Variants in COL4A3 observed in about 807,000 individuals in gnomAD.
COL4A3 encodes collagen alpha-3(IV) chain.
COL4A3 carries 135 observed loss-of-function variants against 217.4 expected under a neutral mutation model. The ratio of observed to expected loss-of-function variants is 0.62; its 90% CI spans 0.54 to 0.72. The LOEUF is 0.72. Ranked by LOEUF, COL4A3 falls within the 30% of genes least tolerant of loss-of-function variation. The pLI is 0.00. For synonymous variants in COL4A3, 690 were observed against 736.3 expected, an observed-to-expected ratio of 0.94 and a Z score of 1.02; for missense variants, 1,868 against 2,119.9, an observed-to-expected ratio of 0.88 and a Z score of 2.33.
chr2:227,286,823 C>T (rs2072357863), intron 34 of COL4A3, among the ~76,000 whole-genome samples: 1 of 152,220 alleles, frequency 6.6e-6, no homozygotes, highest in Non-Finnish European at 1.5e-5. Flanking sequence ...ACTTCTTGGA[C>T]TGACATACAA....
At chr2:227,288,477 T>G (rs2072478066) in intron 34 of COL4A3, among the ~76,000 whole-genome samples, 1 of 152,224 alleles carries the variant, frequency 6.6e-6, no homozygotes, top group Non-Finnish European at 1.5e-5. Context: ...GGGACGTTTA[T>G]GAGCTTTCCA....
chr2:227,225,152 C>G (rs2068019448), intron 1 of COL4A3, among the ~76,000 whole-genome samples: 1 of 152,216 alleles, frequency 6.6e-6, no homozygotes, highest in Admixed American at 6.5e-5. Flanking sequence ...GTAATCCTCC[C>G]ACCTTGGCCT....
At chr2:227,208,026 AC>A (rs1274081870) in intron 1 of COL4A3, among the ~76,000 whole-genome samples, 1 of 86,938 alleles carries the variant, frequency 1.2e-5, no homozygotes, top group Non-Finnish European at 2.3e-5. Context: ...CCGCCCCCCC[AC>A]ACACACGAAA....
intron 1 of COL4A3, among the ~76,000 whole-genome samples, chr2:227,208,098 A>G (rs2067170158): frequency 6.6e-6 from 1 of 151,156 alleles, no homozygotes; most frequent in African/African-American, 2.4e-5. Context: ...AACTTAACCA[A>G]CTCTATTTTG....
Position 227,289,229 on chromosome 2 carries a change from C to G in COL4A3, c.2961C>G (p.Pro987=), listed in dbSNP as rs375523118. 2.5e-6 allele frequency: 4 copies of G among 1,613,404 alleles called. No homozygotes were observed. Among genetic ancestry groups the G allele is most frequent in the Admixed American group, 3.3e-5 (2 of 59,938 alleles). The stretch of plus-strand genomic sequence containing the variant: ...GTTTAAAGGGCCTCAAAGGACTACC[C>G]GGACCAGCAGGACCACCAGGTACAG... ...MPGLKGLKGL[P]GPAGPPGPRG... Residue 987 remains proline (P), a synonymous_variant, in exon 35 of 52, where the codon CCC becomes CCG. Coordinates refer to ENST00000396578, the MANE Select transcript of COL4A3 (RefSeq NM_000091.5).
chr2:227,211,120 C>T (rs2067303969), intron 1 of COL4A3, among the ~76,000 whole-genome samples: 1 of 152,092 alleles, frequency 6.6e-6, no homozygotes, highest in African/African-American at 2.4e-5. Context: ...CCTGCCTCAG[C>T]CTCCTGAGTA....
chr2:227,191,573 T>C lies in COL4A3; in HGVS notation c.87+26760T>C, dbSNP rs767178070. Among the ~76,000 whole-genome samples the C allele has an allele frequency of 1.8e-4, 27 of 152,098 alleles. No individual in the cohort carries two copies. The highest frequency in any genetic ancestry group is 3.7e-4 in the Non-Finnish European group (25 of 68,018). On this transcript the variant is annotated intron_variant, in intron 1 of 51. Coordinates refer to ENST00000396578, the MANE Select transcript of COL4A3 (RefSeq NM_000091.5). This position sits in a 1 kb window ranked among gnomAD's most constrained non-coding sequence, Gnocchi z 6.8. ...CCTGCCAAGGGGCTGCAATGGGAGA[T>C]TACAGTGACTCAGCAAATCAGGATG...
intron 1 of COL4A3, among the ~76,000 whole-genome samples, chr2:227,234,102 G>A (rs1172894018): frequency 6.6e-6 from 1 of 152,162 alleles, no homozygotes; most frequent in African/African-American, 2.4e-5. Flanking sequence ...GCATACAGAA[G>A]TATCTGGGGT....
In COL4A3 at chr2:227,290,773, G is replaced by T. The variant is rs2072646065; in HGVS notation, c.3097G>T (p.Gly1033Ter). Residue 1033 changes from glycine (G) to a stop codon, truncating the protein, a stop_gained, in exon 37 of 52, where the codon GGA (glycine) becomes TGA (stop). Transcript: ENST00000396578. LOFTEE classifies it high-confidence loss of function. ...PGSKGKRGTLGFPGRAGRPGL... is the reference protein window; with the variant it reads ...PGSKGKRGTL Reference sequence around the variant, plus strand: ...TTCTAAAGGAAAAAGGGGAACTTTGGGATTCCCAGGTCGAGCAGGAAGACC... The same window carrying T: ...TTCTAAAGGAAAAAGGGGAACTTTGTGATTCCCAGGTCGAGCAGGAAGACC... 1 of 1,613,290 alleles carries T rather than the reference G, an allele frequency of 6.2e-7. No individual in the cohort carries two copies. The highest frequency in any genetic ancestry group is 8.5e-7 in the Non-Finnish European group (1 of 1,179,890).
rs1295107157 is a variant in COL4A3 at position 227,240,424 on chromosome 2, C to T, written c.234+192C>T. On this transcript the variant is annotated intron_variant, in intron 3 of 51. Coordinates refer to ENST00000396578, the MANE Select transcript of COL4A3 (RefSeq NM_000091.5). ...CTCCAAGACTATTGCAAATGATCATCATTAGCTTCAAGTCTGTGGCTCCAG... is the reference window on the plus strand; with the variant it reads ...CTCCAAGACTATTGCAAATGATCATTATTAGCTTCAAGTCTGTGGCTCCAG... Among the ~76,000 whole-genome samples, 4 of 152,296 alleles carry T rather than the reference C, an allele frequency of 2.6e-5. No homozygotes were observed. The East Asian group carries it at 5.8e-4, about 22-fold the overall frequency.
At position 227,311,978 on chromosome 2, in the gene COL4A3, G is replaced by C. The variant is rs200803393; in HGVS notation, c.*108G>C. 6.5e-6 allele frequency: 10 copies of C among 1,532,792 alleles called. No homozygotes were observed. The Admixed American group carries it at 1.6e-4, about 24-fold the overall frequency. 94.9% of individuals were successfully genotyped at this position (1,532,792 alleles called of 1,614,324 possible). On this transcript the variant is annotated 3_prime_UTR_variant, in exon 52 of 52. Transcript: ENST00000396578. ...CTTTAACCAAACAATATTGCTCCAT[G>C]ATGACTTAGTACAAAGTTTCAATTT... is the stretch of plus-strand genomic sequence containing the variant.
chr2:227,172,345 C>CT (rs1219834349), intron 1 of COL4A3, among the ~76,000 whole-genome samples: 1 of 152,158 alleles, frequency 6.6e-6, no homozygotes, highest in Non-Finnish European at 1.5e-5. Flanking sequence ...TCATGCCTGA[C>CT]TAGCTACCTA....
intron 50 of COL4A3, 100 bp from the exon 51 acceptor site, chr2:227,310,676 T>A: frequency 1.1e-6 from 1 of 939,908 alleles, no homozygotes; most frequent in South Asian, 1.4e-5. Context: ...TCCCCTTTCT[T>A]TACTCACAGT....
Position 227,279,829 on chromosome 2 carries a change from G to C in COL4A3, c.2162G>C (p.Gly721Ala). 6.2e-7 allele frequency: 1 copy of C among 1,610,706 alleles called. No individual in the cohort carries two copies. The highest frequency in any genetic ancestry group is 8.5e-7 in the Non-Finnish European group (1 of 1,178,768). Residue 721 changes from glycine to alanine, a missense_variant, in exon 29 of 52, where the codon GGT becomes GCT. Transcript: ENST00000396578. ...QGFPGTKGSL[G>A]CPGKMGEPGL... is the part of the protein sequence containing the mutation. ...TTTCCAGGTACAAAAGGATCACTGG[G>C]TTGTCCTGGAAAAATGGGAGAGCCT...
At chr2:227,185,541 T>C (rs1344072602) in intron 1 of COL4A3, among the ~76,000 whole-genome samples, 2 of 152,242 alleles carry the variant, frequency 1.3e-5, no homozygotes, top group African/African-American at 4.8e-5. Context: ...TTTAAGATAG[T>C]GTGTTCATCT....
Position 227,254,745 on chromosome 2 carries a change from G to A in COL4A3, c.888+30G>A, listed in dbSNP as rs35467545. 128,686 of 1,533,476 alleles carry A rather than the reference G, an allele frequency of 0.084. 6,046 individuals carry two copies. The highest frequency in any genetic ancestry group is 0.17 in the Admixed American group (10,181 of 59,882). 95.0% of individuals were successfully genotyped at this position (1,533,476 alleles called of 1,614,324 possible). On this transcript the variant is annotated intron_variant, in intron 15 of 51. Coordinates refer to ENST00000396578, the MANE Select transcript of COL4A3 (RefSeq NM_000091.5). ...ATTTGGAAATTCGGTGTCATGTGCA[G>A]TTTTGATTAGTCAGGACTTGGGACT...
intron 22 of COL4A3, 102 bp downstream of exon 22, chr2:227,266,611 A>G: frequency 2.3e-6 from 2 of 866,174 alleles, no homozygotes; most frequent in Non-Finnish European, 3.8e-6. Flanking sequence ...AATAGCTACC[A>G]GTCAGTGATG....
At chr2:227,231,253 G>T (rs564652485) in intron 1 of COL4A3, among the ~76,000 whole-genome samples, 1 of 152,280 alleles carries the variant, frequency 6.6e-6, no homozygotes, top group South Asian at 2.1e-4. Flanking sequence ...CTGACTGCTG[G>T]ATGGACCAGA....
intron 37 of COL4A3, among the ~76,000 whole-genome samples, chr2:227,291,572 A>C (rs778443331): frequency 0.36 from 8,695 of 24,428 alleles, 235 homozygotes; most frequent in Non-Finnish European, 0.45. Flanking sequence ...CAAAAAAAAA[A>C]AAAAAAACAA....
Sources: allele counts gnomAD v4.1 joint callset (sites outside exome capture counted in the v4.1 genomes callset), GRCh38; gene constraint gnomAD v4.1.1; non-coding constraint Gnocchi (gnomAD v3.1); transcripts MANE v1.5; gene names NCBI Gene and HGNC (gene_info 2026-07-23, HGNC 2026-07-21).